The following TAS2R31 variants were observed in gnomAD, a reference collection of about 807,000 sequenced individuals.
TAS2R31 encodes the protein taste 2 receptor member 31, also known as taste receptor type 2 member 31.
For missense variants in TAS2R31, 352 were observed against 347.4 expected (o/e 1.01, Z -0.10); for synonymous variants, 118 against 131.4 (o/e 0.90, Z 0.70).
At position 11,031,320 on chromosome 12, in the gene TAS2R31, G is replaced by T; in HGVS notation, c.16C>A (p.Pro6Thr). MTTFIPIIFSSVVVVL... is the reference protein window; with the variant it reads MTTFITIIFSSVVVVL... ...ACTACCACACTGGAAAAAATGATGG[G>T]TATAAAAGTTGTCATGTCTGAACAG... The change falls in exon 1 of 1, where the codon CCC becomes ACC. Residue 6 changes from proline (P) to threonine (T), a missense_variant. Coordinates refer to ENST00000390675, the MANE Select transcript of TAS2R31 (RefSeq NM_176885.2). 1.2e-6 allele frequency: 2 copies of T among 1,613,134 alleles called. No homozygotes were observed. The highest frequency in any genetic ancestry group is 1.7e-6 in the Non-Finnish European group (2 of 1,179,648).
rs1942207921 is a variant in TAS2R31 at position 11,031,373 on chromosome 12, G to GT, written c.-39dup. 1.3e-6 allele frequency: 2 copies of GT among 1,598,072 alleles called. No individual in the cohort carries two copies. Among genetic ancestry groups the GT allele is most frequent in the Non-Finnish European group, 1.7e-6 (2 of 1,173,016 alleles). Reference sequence around the variant, plus strand: ...AAAAAAAAATTGTTTTAATGCTGGTGTTGTGTCCGGAGTTGGTTCCTGCAG... The same window carrying GT: ...AAAAAAAAATTGTTTTAATGCTGGTGTTTGTGTCCGGAGTTGGTTCCTGCAG... On this transcript the variant is annotated 5_prime_UTR_variant, in exon 1 of 1. Coordinates refer to ENST00000390675, the MANE Select transcript of TAS2R31 (RefSeq NM_176885.2).
rs1942160827 is a variant in TAS2R31 at position 11,030,792 on chromosome 12, G to A, written c.544C>T (p.Leu182=). The change falls in exon 1 of 1, where the codon CTA becomes TTA. Residue 182 remains leucine (L), a synonymous_variant. Coordinates refer to ENST00000390675, the MANE Select transcript of TAS2R31 (RefSeq NM_176885.2). ...VYLSDATVTT[L]GNLVPFTLTL... is the part of the protein sequence containing the mutation. The stretch of plus-strand genomic sequence containing the variant: ...AGAGTGAAGGGCACTAAGTTTCCTA[G>A]CGTGGTTACAGTCGCATCTGAAAGG... 6.2e-7 allele frequency: 1 copy of A among 1,614,140 alleles called. No homozygotes were observed. Among genetic ancestry groups the A allele is most frequent in the Non-Finnish European group, 8.5e-7 (1 of 1,180,000 alleles).
Position 11,031,021 on chromosome 12 carries a change from A to G in TAS2R31, c.315T>C (p.Phe105=). The G allele has an allele frequency of 6.2e-7, 1 of 1,614,314 alleles. No individual in the cohort carries two copies. The highest frequency in any genetic ancestry group is 1.1e-5 in the South Asian group (1 of 91,092). ...AGAAATTGGCAATCTTGAGCAAATA[A>G]AATATGCTGAGGCTAGTAGCAAGCC... The part of the protein sequence containing the change: ...SNWLATSLSI[F]YLLKIANFSN... The change falls in exon 1 of 1, where the codon TTT becomes TTC. Residue 105 remains phenylalanine, a synonymous_variant. Transcript: ENST00000390675.
At position 11,030,852 on chromosome 12, in the gene TAS2R31, A is replaced by T. The variant is rs10743938; in HGVS notation, c.484T>A (p.Leu162Met). 0.77 allele frequency: 1,240,854 copies of T among 1,610,604 alleles called. 482,333 individuals are homozygous for T. Among genetic ancestry groups the T allele is most frequent in the East Asian group, 0.9 (40,149 of 44,778 alleles). The change falls in exon 1 of 1, where the codon TTG (leucine) becomes ATG (methionine). Residue 162 changes from leucine to methionine, a missense_variant. Physicochemically the swap from Leu to Met is conservative, Grantham distance 15. Coordinates refer to ENST00000390675, the MANE Select transcript of TAS2R31 (RefSeq NM_176885.2). ...IVRTKEYEGN[L>M]TWKIKLRSAV... ...CTCCTCAATTTGATCTTCCAAGTCA[A>T]GTTTCCTTCATATTCTTTTGTCCGT...
Position 11,031,142 on chromosome 12 carries a change from T to C in TAS2R31, c.194A>G (p.Asn65Ser). Reference sequence around the variant, plus strand: ...TGGATTAAACACAGTTGAATACCAATTTAATAATAATACCCAGAGCAAACC... The same window carrying C: ...TGGATTAAACACAGTTGAATACCAACTTAATAATAATACCCAGAGCAAACC... ...RVGLLWVLLLNWYSTVFNPAF... is the reference protein window; with the variant it reads ...RVGLLWVLLLSWYSTVFNPAF... Residue 65 changes from asparagine (N) to serine (S), a missense_variant, in exon 1 of 1, where the codon AAT becomes AGT. Asn to Ser is a conservative substitution (Grantham distance 46). Coordinates refer to ENST00000390675, the MANE Select transcript of TAS2R31 (RefSeq NM_176885.2). The C allele has an allele frequency of 1.9e-6, 3 of 1,614,254 alleles. No individual in the cohort carries two copies. The highest frequency in any genetic ancestry group is 2.5e-6 in the Non-Finnish European group (3 of 1,180,046).
rs767483401 is a variant in TAS2R31 at position 11,030,873 on chromosome 12, T to C, written c.463A>G (p.Thr155Ala). The C allele has an allele frequency of 1.9e-6, 3 of 1,614,162 alleles. No homozygotes were observed. Among genetic ancestry groups the C allele is most frequent in the Non-Finnish European group, 2.5e-6 (3 of 1,180,000 alleles). The change falls in exon 1 of 1, where the codon ACA becomes GCA. Residue 155 changes from threonine to alanine, a missense_variant. Physicochemically the swap from Thr to Ala is moderately conservative, Grantham distance 58. Transcript: ENST00000390675. ...GTCAAGTTTCCTTCATATTCTTTTG[T>C]CCGTACAATCTCTTTCATGTTTATC... ...FVINMKEIVRTKEYEGNLTWK... is the reference protein window; with the variant it reads ...FVINMKEIVRAKEYEGNLTWK...
Position 11,030,460 on chromosome 12 carries a change from T to A in TAS2R31, c.876A>T (p.Ser292=), listed in dbSNP as rs759553622. 5 of 1,614,268 alleles carry A rather than the reference T, an allele frequency of 3.1e-6. No individual in the cohort carries two copies. Among genetic ancestry groups the A allele is most frequent in the South Asian group, 1.1e-5 (1 of 91,090 alleles). ...GNKKLKQTFL[S]VLRQVRYWVK... is the part of the protein sequence containing the mutation. ...CCCAGTACCTCACTTGCCGCAAAAC[T>A]GAAAGAAAAGTCTGCTTTAGCTTCT... is the stretch of plus-strand genomic sequence containing the variant. Residue 292 remains serine (S), a synonymous_variant, in exon 1 of 1, where the codon TCA becomes TCT. Coordinates refer to ENST00000390675, the MANE Select transcript of TAS2R31 (RefSeq NM_176885.2).
chr12:11,030,728 C>G lies in TAS2R31; in HGVS notation c.608G>C (p.Cys203Ser). Reference sequence around the variant, plus strand: ...GAGCTGCATCTTCTTGAGATGTTTACACAGAGAACAGATTAACAGCAAAAA... The same window carrying G: ...GAGCTGCATCTTCTTGAGATGTTTAGACAGAGAACAGATTAACAGCAAAAA... Reference protein sequence around the residue: ...LCFLLLICSLCKHLKKMQLHG... With the variant: ...LCFLLLICSLSKHLKKMQLHG... The change falls in exon 1 of 1, where the codon TGT becomes TCT. Residue 203 changes from cysteine (C) to serine (S), a missense_variant. Physicochemically the swap from Cys to Ser is moderately radical, Grantham distance 112 (BLOSUM62 -1). Coordinates refer to ENST00000390675, the MANE Select transcript of TAS2R31 (RefSeq NM_176885.2). 6.2e-7 allele frequency: 1 copy of G among 1,614,182 alleles called. No individual in the cohort carries two copies. Among genetic ancestry groups the G allele is most frequent in the Non-Finnish European group, 8.5e-7 (1 of 1,180,034 alleles).
chr12:11,030,862 A>T, the TAS2R31 span: 2 of 1,614,188 alleles, frequency 1.2e-6, no homozygotes, highest in Non-Finnish European at 1.7e-6. Context: ...AGTTTCCTTC[A>T]TATTCTTTTG....
At chr12:11,030,849 T>TC in the TAS2R31 span, 1 of 1,614,060 alleles carries the variant, frequency 6.2e-7, no homozygotes, top group Non-Finnish European at 8.5e-7. Flanking sequence ...ATCTTCCAAG[T>TC]CAAGTTTCCT....
Position 11,030,771 on chromosome 12 carries a change from T to C in TAS2R31, c.565A>G (p.Thr189Ala). Residue 189 changes from threonine to alanine, a missense_variant, in exon 1 of 1, where the codon ACT becomes GCT. By Grantham distance (58) the Thr-to-Ala change is moderately conservative (BLOSUM62 0). Coordinates refer to ENST00000390675, the MANE Select transcript of TAS2R31 (RefSeq NM_176885.2). ...VTTLGNLVPF[T>A]LTLLCFLLLI... ...AGCAAAAAACATAGCAGGGTCAGAG[T>C]GAAGGGCACTAAGTTTCCTAGCGTG... 1 of 1,614,072 alleles carries C rather than the reference T, an allele frequency of 6.2e-7. No individual in the cohort carries two copies. Among genetic ancestry groups the C allele is most frequent in the Admixed American group, 1.7e-5 (1 of 60,014 alleles).
rs80215478 is a variant in TAS2R31, at chr12:11,030,750, A to T, written c.586T>A (p.Leu196Met). The T allele has an allele frequency of 6.3e-7, 1 of 1,587,796 alleles. No individual in the cohort carries two copies. The highest frequency in any genetic ancestry group is 2.3e-5 in the East Asian group (1 of 43,258). ...TTACACAGAGAACAGATTAACAGCA[A>T]AAAACATAGCAGGGTCAGAGTGAAG... is the stretch of plus-strand genomic sequence containing the variant. ...VPFTLTLLCF[L>M]LLICSLCKHL... Residue 196 changes from leucine (L) to methionine (M), a missense_variant, in exon 1 of 1, where the codon TTG (leucine) becomes ATG (methionine). Transcript: ENST00000390675.
In TAS2R31 at chr12:11,030,643, C is replaced by G. The variant is rs773288310; in HGVS notation, c.693G>C (p.Val231=). ...TKVHIKALQT[V]IFFLLLCAVY... ...CGGCACATAACAAGAGGAAAAAGAT[C>G]ACAGTTTGCAAAGCTTTTATGTGGA... The change falls in exon 1 of 1, where the codon GTG becomes GTC. Residue 231 remains valine, a synonymous_variant. Coordinates refer to ENST00000390675, the MANE Select transcript of TAS2R31 (RefSeq NM_176885.2). The G allele has an allele frequency of 4.3e-6, 7 of 1,614,158 alleles. No homozygotes were observed. The Admixed American group carries it at 1.2e-4, about 27-fold the overall frequency.
chr12:11,030,913 A>T lies in TAS2R31; in HGVS notation c.423T>A (p.Ala141=). 6.2e-7 allele frequency: 1 copy of T among 1,608,702 alleles called. No individual in the cohort carries two copies. The change falls in exon 1 of 1, where the codon GCT becomes GCA. Residue 141 remains alanine, a synonymous_variant. Coordinates refer to ENST00000390675, the MANE Select transcript of TAS2R31 (RefSeq NM_176885.2). ...VMLLGPLLFL[A]CQLFVINMKE... ...TCATGTTTATCACAAAAAGTTGACA[A>T]GCCAAAAATAGTAAAGGCCCCAACA...
the TAS2R31 span, chr12:11,031,072 C>T: frequency 8.7e-6 from 14 of 1,614,258 alleles, no homozygotes; most frequent in African/African-American, 1.7e-4. Context: ...CGGTTACTGC[C>T]CAGACATTAT....
rs1942183806 is a variant in TAS2R31 at position 11,031,061 on chromosome 12, C to T, written c.275G>A (p.Gly92Asp). 6.2e-7 allele frequency: 1 copy of T among 1,614,290 alleles called. No individual in the cohort carries two copies. The highest frequency in any genetic ancestry group is 1.3e-5 in the African/African-American group (1 of 75,058). The change falls in exon 1 of 1, where the codon GGC becomes GAC. Residue 92 changes from glycine (G) to aspartate (D), a missense_variant. Coordinates refer to ENST00000390675, the MANE Select transcript of TAS2R31 (RefSeq NM_176885.2). ...TTAYNVWAVT[G>D]HFSNWLATSL... ...AGTAGCAAGCCAGTTGCTGAAATGG[C>T]CGGTTACTGCCCAGACATTATAAGC... is the stretch of plus-strand genomic sequence containing the variant.
At position 11,031,266 on chromosome 12, in the gene TAS2R31, T is replaced by C. The variant is rs770608141; in HGVS notation, c.70A>G (p.Asn24Asp). ...VVLFVIGNFA[N>D]GFIALVNSIE... ...GAATTTACCAATGCTATGAAGCCATTAGCAAAATTTCCAATAACAAATAGA... is the reference window on the plus strand; with the variant it reads ...GAATTTACCAATGCTATGAAGCCATCAGCAAAATTTCCAATAACAAATAGA... Residue 24 changes from asparagine (N) to aspartate (D), a missense_variant, in exon 1 of 1, where the codon AAT becomes GAT. By Grantham distance (23) the Asn-to-Asp change is conservative. Coordinates refer to ENST00000390675, the MANE Select transcript of TAS2R31 (RefSeq NM_176885.2). 3.7e-6 allele frequency: 6 copies of C among 1,613,944 alleles called. No individual in the cohort carries two copies. Among genetic ancestry groups the C allele is most frequent in the Non-Finnish European group, 2.5e-6 (3 of 1,179,930 alleles).
Position 11,030,875 on chromosome 12 carries a change from C to T in TAS2R31, c.461G>A (p.Arg154Gln), listed in dbSNP as rs755394475. 1.1e-5 allele frequency: 18 copies of T among 1,614,028 alleles called. No homozygotes were observed. The highest frequency in any genetic ancestry group is 8.8e-5 in the South Asian group (8 of 91,092). The change falls in exon 1 of 1, where the codon CGG becomes CAG. Residue 154 changes from arginine to glutamine, a missense_variant. Physicochemically the swap from Arg to Gln is conservative, Grantham distance 43. Transcript: ENST00000390675. ...LFVINMKEIV[R>Q]TKEYEGNLTW... Reference sequence around the variant, plus strand: ...CAAGTTTCCTTCATATTCTTTTGTCCGTACAATCTCTTTCATGTTTATCAC... The same window carrying T: ...CAAGTTTCCTTCATATTCTTTTGTCTGTACAATCTCTTTCATGTTTATCAC...
At position 11,030,863 on chromosome 12, in the gene TAS2R31, T is replaced by A. The variant is rs780290333; in HGVS notation, c.473A>T (p.Tyr158Phe). The A allele has an allele frequency of 1.2e-6, 2 of 1,614,188 alleles. No individual in the cohort carries two copies. The highest frequency in any genetic ancestry group is 1.6e-4 in the Middle Eastern group (1 of 6,062). Residue 158 changes from tyrosine (Y) to phenylalanine (F), a missense_variant, in exon 1 of 1, where the codon TAT becomes TTT. Physicochemically the swap from Tyr to Phe is conservative, Grantham distance 22. Transcript: ENST00000390675. Reference protein sequence around the residue: ...NMKEIVRTKEYEGNLTWKIKL... With the variant: ...NMKEIVRTKEFEGNLTWKIKL... ...GATCTTCCAAGTCAAGTTTCCTTCA[T>A]ATTCTTTTGTCCGTACAATCTCTTT...
Sources: allele counts gnomAD v4.1 joint callset, GRCh38; gene constraint gnomAD v4.1.1; transcripts MANE v1.5; gene names NCBI Gene and HGNC (gene_info 2026-07-23, HGNC 2026-07-21).